The following CREB1 variants were observed in gnomAD, a reference collection of about 807,000 sequenced individuals.
The protein encoded by CREB1 is cAMP responsive element binding protein 1.
In CREB1, 2 loss-of-function variants were observed where a neutral mutation model predicts 42.0. The observed-to-expected ratio is 0.05, with a 90% CI of 0.02 to 0.15. The LOEUF is 0.15. Ranked by LOEUF, CREB1 falls within the 10% of genes least tolerant of loss-of-function variation. The pLI is 1.00. For missense variants in CREB1, 199 were observed against 388.9 expected, an observed-to-expected ratio of 0.51 and a Z score of 4.11; for synonymous variants, 123 against 139.9, an observed-to-expected ratio of 0.88 and a Z score of 0.85.
rs2087311136 is a variant in CREB1, at chr2:207,602,788, T to G, written c.*5730T>G. 4.6e-6 allele frequency: 1 copy of G among 215,802 alleles called. No homozygotes were observed. The highest frequency in any genetic ancestry group is 1.9e-4 in the South Asian group (1 of 5,372). 13.4% of individuals were successfully genotyped at this position (215,802 alleles called of 1,614,324 possible). A position where few individuals can be genotyped will look rare whatever the true frequency, so the allele number is the denominator to read the frequency against. ...GGGAAATAATTGTCAACATTTTTTT[T>G]GAGTATAGATTTATTAGGGGTGGCA... On this transcript the variant is annotated 3_prime_UTR_variant, in exon 8 of 8. Transcript: ENST00000353267.
intron 6 of CREB1, among the ~76,000 whole-genome samples, chr2:207,576,241 C>CTTTTTTTTTTTTTTTTTTATT (rs2082592834): frequency 9.9e-6 from 1 of 101,068 alleles, no homozygotes; most frequent in Non-Finnish European, 1.9e-5. Context: ...CTTTTTTTGG[C>CTTTTTTTTTTTTTTTTTTATT]TTTTTTTTTT....
At chr2:207,563,137 C>T (rs942308812) in intron 3 of CREB1, among the ~76,000 whole-genome samples, 1 of 151,956 alleles carries the variant, frequency 6.6e-6, no homozygotes, top group East Asian at 1.9e-4. Flanking sequence ...GACCAGAAGG[C>T]AATGAAGGAG....
At chr2:207,588,710 A>C (rs895332739) in intron 7 of CREB1, among the ~76,000 whole-genome samples, 3 of 134,976 alleles carry the variant, frequency 2.2e-5, no homozygotes, top group African/African-American at 5.5e-5. Flanking sequence ...TTTATACCCA[A>C]GTATGAACTG....
intron 6 of CREB1, 21 bp downstream of exon 6, chr2:207,575,475 C>A: frequency 1.3e-6 from 2 of 1,574,574 alleles, no homozygotes; most frequent in Non-Finnish European, 1.7e-6. Context: ...TCAGAATTCA[C>A]AGGTGTGGTA....
At chr2:207,583,596 T>A (rs895516008) in intron 7 of CREB1, among the ~76,000 whole-genome samples, 6 of 152,172 alleles carry the variant, frequency 3.9e-5, no homozygotes, top group Admixed American at 3.3e-4. Context: ...TCAATGAGGT[T>A]ATATCATATG....
intron 7 of CREB1, among the ~76,000 whole-genome samples, chr2:207,580,275 CA>C (rs1024680464): frequency 7.2e-5 from 11 of 152,180 alleles, no homozygotes; most frequent in African/African-American, 2.2e-4. Flanking sequence ...TTCCAGTATG[CA>C]GCCATCTTCT....
chr2:207,585,756 G>A (rs1397613549), intron 7 of CREB1, among the ~76,000 whole-genome samples: 2 of 152,078 alleles, frequency 1.3e-5, no homozygotes, highest in African/African-American at 4.8e-5. Flanking sequence ...TGGAACTGAA[G>A]AATTTAATAA....
intron 7 of CREB1, among the ~76,000 whole-genome samples, chr2:207,579,035 C>T (rs2082719904): frequency 6.6e-6 from 1 of 152,096 alleles, no homozygotes; most frequent in Admixed American, 6.5e-5. Flanking sequence ...ATCCACCCTC[C>T]TCGGACTTCC....
chr2:207,534,317 A>C (rs938482843), intron 1 of CREB1, among the ~76,000 whole-genome samples: 1 of 152,042 alleles, frequency 6.6e-6, no homozygotes, highest in African/African-American at 2.4e-5. Flanking sequence ...GCTCACGGCA[A>C]CCTCTGCTTC....
intron 1 of CREB1, among the ~76,000 whole-genome samples, chr2:207,552,258 A>G (rs2081539273): frequency 6.6e-6 from 1 of 152,104 alleles, no homozygotes; most frequent in African/African-American, 2.4e-5. Context: ...GGATTCACTA[A>G]TGGCTTTGTT....
intron 1 of CREB1, among the ~76,000 whole-genome samples, chr2:207,544,461 A>G (rs1055371542): frequency 6.6e-6 from 1 of 152,242 alleles, no homozygotes; most frequent in African/African-American, 2.4e-5. Flanking sequence ...TAGTTAAACT[A>G]GTTATAATAA....
chr2:207,552,044 A>AAG (rs2081528850), intron 1 of CREB1, among the ~76,000 whole-genome samples: 1 of 107,510 alleles, frequency 9.3e-6, no homozygotes, highest in African/African-American at 3.3e-5. Context: ...CTCCGTCTCA[A>AAG]AAAAAAAAAA....
chr2:207,551,856 A>G (rs2081516957), intron 1 of CREB1, among the ~76,000 whole-genome samples: 1 of 151,886 alleles, frequency 6.6e-6, no homozygotes, highest in African/African-American at 2.4e-5. Context: ...ATCCTGGCTG[A>G]CACAGTGAAG....
intron 7 of CREB1, among the ~76,000 whole-genome samples, chr2:207,584,142 A>T (rs748278884): frequency 6.6e-6 from 1 of 152,238 alleles, no homozygotes; most frequent in Non-Finnish European, 1.5e-5. Context: ...TTTTTATATG[A>T]ACTTTCCATT....
chr2:207,533,319 T>C lies in CREB1; in HGVS notation c.-9+3185T>C, dbSNP rs560423003. On this transcript the variant is annotated intron_variant, in intron 1 of 7. Transcript: ENST00000353267. ...AACTCATATTCTTGATTAGGTCTCA[T>C]TATTAGAAATTTTGGGTTCTTCATA... Among the ~76,000 whole-genome samples, 4 of 152,300 alleles carry C rather than the reference T, an allele frequency of 2.6e-5. No individual in the cohort carries two copies. The South Asian group carries it at 8.3e-4, about 32-fold the overall frequency.
chr2:207,530,893 T>C (rs2080589152), intron 1 of CREB1, among the ~76,000 whole-genome samples: 1 of 151,880 alleles, frequency 6.6e-6, no homozygotes, highest in Admixed American at 6.6e-5. Context: ...GAAATGCTGC[T>C]TTCTGCCCTG....
intron 3 of CREB1, among the ~76,000 whole-genome samples, chr2:207,561,597 C>G (rs1270441169): frequency 6.6e-6 from 1 of 152,136 alleles, no homozygotes; most frequent in African/African-American, 2.4e-5. Flanking sequence ...TTCCTCTTCC[C>G]CATCCCCCGC....
At chr2:207,566,384 C>T (rs772540773) in intron 3 of CREB1, among the ~76,000 whole-genome samples, 7 of 152,116 alleles carry the variant, frequency 4.6e-5, no homozygotes, top group Non-Finnish European at 8.8e-5. Flanking sequence ...TTACTCTGAC[C>T]GCATAATGTG....
chr2:207,588,675 T>C (rs558189495), intron 7 of CREB1, among the ~76,000 whole-genome samples: 3 of 151,676 alleles, frequency 2.0e-5, no homozygotes, highest in Admixed American at 6.6e-5. Flanking sequence ...AATCAGCACA[T>C]AGATCCTGTA....
Sources: gnomAD v4.1 joint callset for allele counts (sites outside exome capture counted in the v4.1 genomes callset) on GRCh38, gnomAD v4.1.1 for gene constraint, MANE v1.5 for transcripts, NCBI Gene and HGNC (gene_info 2026-07-23, HGNC 2026-07-21) for gene names.